Variants in EXOC2 observed in about 807,000 individuals in gnomAD.
The protein encoded by EXOC2 is SEC5-like 1.
A neutral mutation model predicts 131.8 loss-of-function variants in EXOC2; 70 were observed. The ratio of observed to expected loss-of-function variants is 0.53; its 90% CI spans 0.44 to 0.65. The LOEUF (loss-of-function observed/expected upper bound fraction) is 0.65, where lower values mean the gene tolerates loss of function less well. Ranked by LOEUF, EXOC2 falls within the 30% of genes least tolerant of loss-of-function variation. The pLI is 0.00. For missense variants in EXOC2, 923 were observed against 1,108.6 expected (o/e 0.83, Z 2.38); for synonymous variants, 411 against 398.4 (o/e 1.03, Z -0.38).
At chr6:558,160 T>C (rs994976384) in intron 17 of EXOC2, among the ~76,000 whole-genome samples, 1 of 152,208 alleles carries the variant, frequency 6.6e-6, no homozygotes, top group Non-Finnish European at 1.5e-5. Flanking sequence ...GGAAGTGACA[T>C]CTATATACAT....
At chr6:552,784 C>A (rs193011508) in intron 21 of EXOC2, among the ~76,000 whole-genome samples, 38 of 152,040 alleles carry the variant, frequency 2.5e-4, no homozygotes, top group Middle Eastern at 3.4e-3. Flanking sequence ...ATACCAAATC[C>A]CTTATTTAGG....
intron 25 of EXOC2, among the ~76,000 whole-genome samples, chr6:495,936 T>C (rs78040126): frequency 0.023 from 3,517 of 152,332 alleles, 144 homozygotes; most frequent in African/African-American, 0.079. Context: ...TCATACTGGA[T>C]AATTTCTATT....
At chr6:570,297 C>T (rs846164) in intron 13 of EXOC2, among the ~76,000 whole-genome samples, 132,195 of 151,884 alleles carry the variant, frequency 0.87, 57,807 homozygotes, top group Middle Eastern at 0.94. Context: ...CCACGCCTGG[C>T]TAATTTTTTG....
chr6:487,352 G>C (rs1218335441), intron 27 of EXOC2, among the ~76,000 whole-genome samples: 1 of 152,132 alleles, frequency 6.6e-6, no homozygotes, highest in African/African-American at 2.4e-5. Flanking sequence ...TAGGCAAATC[G>C]CTTTGCTGCC....
At chr6:577,704 C>T (rs1035122479) in intron 11 of EXOC2, among the ~76,000 whole-genome samples, 2 of 152,136 alleles carry the variant, frequency 1.3e-5, no homozygotes, top group Admixed American at 1.3e-4. Flanking sequence ...ATTCAAAGTG[C>T]ATTTACAGAG....
intron 1 of EXOC2, among the ~76,000 whole-genome samples, chr6:684,869 G>C (rs1025144063): frequency 1.6e-4 from 24 of 152,124 alleles, no homozygotes; most frequent in African/African-American, 5.8e-4. Flanking sequence ...TTACTATTTA[G>C]TAATGAAGAG....
chr6:687,449 C>T (rs957205773), intron 1 of EXOC2, among the ~76,000 whole-genome samples: 1 of 152,096 alleles, frequency 6.6e-6, no homozygotes, highest in South Asian at 2.1e-4. Context: ...TCTCAAAGTG[C>T]TGGGATTACA....
At chr6:588,434 C>A (rs938930082) in intron 11 of EXOC2, among the ~76,000 whole-genome samples, 6 of 152,120 alleles carry the variant, frequency 3.9e-5, no homozygotes, top group African/African-American at 1.4e-4. Context: ...CTTACCATAA[C>A]CTCTGCCTCC....
At chr6:659,547 C>A (rs1370450139) in intron 1 of EXOC2, among the ~76,000 whole-genome samples, 1 of 152,252 alleles carries the variant, frequency 6.6e-6, no homozygotes, top group Non-Finnish European at 1.5e-5. Context: ...AGTGCCCCAA[C>A]TGTGGAAGTG....
chr6:647,559 C>T (rs1762631320), intron 1 of EXOC2, among the ~76,000 whole-genome samples: 1 of 136,594 alleles, frequency 7.3e-6, no homozygotes, highest in Admixed American at 8.4e-5. Context: ...AGTCTAGTAT[C>T]CTCTTCCTTC....
intron 22 of EXOC2, among the ~76,000 whole-genome samples, chr6:538,829 G>T (rs975122279): frequency 6.6e-6 from 1 of 152,106 alleles, no homozygotes; most frequent in Non-Finnish European, 1.5e-5. Flanking sequence ...ATCCTAGCAC[G>T]CTGGGAGGCT....
At chr6:493,367 G>T (rs1763544900) in intron 25 of EXOC2, among the ~76,000 whole-genome samples, 1 of 152,120 alleles carries the variant, frequency 6.6e-6, no homozygotes, top group African/African-American at 2.4e-5. Context: ...TTCTAGTATA[G>T]GTAAAAACAG....
In EXOC2 at chr6:657,095, G is replaced by A. The variant is rs1411430767; in HGVS notation, c.-43-19234C>T. 32 of 615,360 alleles carry A rather than the reference G, an allele frequency of 5.2e-5. No homozygotes were observed. In the South Asian group the frequency reaches 9.6e-4, roughly 19 times the overall value. The allele number at this position is 615,360 out of a possible 1,614,324, so 38.1% of individuals were successfully genotyped here. A position where few individuals can be genotyped will look rare whatever the true frequency, so the allele number is the denominator to read the frequency against. ...ACTCGGGTTCCCGGTTGCGGTTGCGGGTTCTGTTGTGGGTTCCGCAGCCCT... is the reference window on the plus strand; with the variant it reads ...ACTCGGGTTCCCGGTTGCGGTTGCGAGTTCTGTTGTGGGTTCCGCAGCCCT... On this transcript the variant is annotated intron_variant, in intron 1 of 27. Transcript: ENST00000230449.
chr6:515,658 C>T (rs755158133), intron 23 of EXOC2, among the ~76,000 whole-genome samples: 181 of 146,658 alleles, frequency 1.2e-3, no homozygotes, highest in Non-Finnish European at 1.7e-3. Flanking sequence ...ACAGCTGGGG[C>T]GGTCCTAGGA....
Position 677,160 on chromosome 6 carries a change from G to C in EXOC2, c.-44+15859C>G, listed in dbSNP as rs1054463840. 7.4e-5 allele frequency among the ~76,000 whole-genome samples: 9 copies of C among 121,472 alleles called. 2 individuals carry two copies. The highest frequency in any genetic ancestry group is 2.6e-4 in the African/African-American group (9 of 34,940). 79.7% of individuals were successfully genotyped at this position (121,472 alleles called of 152,430 possible). Reference sequence around the variant, plus strand: ...CATTACGGAAAGGACAGCTTTCTCTGGAGACTGCGGTTCCCCATACTCTTC... The same window carrying C: ...CATTACGGAAAGGACAGCTTTCTCTCGAGACTGCGGTTCCCCATACTCTTC... On this transcript the variant is annotated intron_variant, in intron 1 of 27. Coordinates refer to ENST00000230449, the MANE Select transcript of EXOC2 (RefSeq NM_018303.6).
intron 17 of EXOC2, among the ~76,000 whole-genome samples, chr6:560,295 T>C (rs1380110825): frequency 6.6e-6 from 1 of 152,212 alleles, no homozygotes; most frequent in Non-Finnish European, 1.5e-5. Context: ...ACAGACTACA[T>C]GGCTTCTTTA....
chr6:587,545 T>C (rs553366427), intron 11 of EXOC2, among the ~76,000 whole-genome samples: 3 of 152,346 alleles, frequency 2.0e-5, no homozygotes, highest in South Asian at 4.1e-4. Context: ...CGCCCGGCCA[T>C]AGATATGTGT....
intron 22 of EXOC2, among the ~76,000 whole-genome samples, chr6:539,100 G>A (rs1766646464): frequency 1.3e-5 from 2 of 151,630 alleles, no homozygotes; most frequent in Admixed American, 6.6e-5. Flanking sequence ...AATATCATAA[G>A]TAGAAAATGC....
At chr6:684,825 G>C (rs1020932995) in intron 1 of EXOC2, among the ~76,000 whole-genome samples, 6 of 152,114 alleles carry the variant, frequency 3.9e-5, no homozygotes, top group Non-Finnish European at 7.4e-5. Context: ...AACCACAACT[G>C]AAAGTAGTTT....
Sources: gnomAD v4.1 joint callset for allele counts (sites outside exome capture counted in the v4.1 genomes callset) on GRCh38, gnomAD v4.1.1 for gene constraint, MANE v1.5 for transcripts, NCBI Gene and HGNC (gene_info 2026-07-23, HGNC 2026-07-21) for gene names.